Variants in NCOR2 observed in about 807,000 individuals in gnomAD.
NCOR2 encodes CTG repeat protein 26.
Under a neutral mutation model 262.9 loss-of-function variants are expected in NCOR2, and 81 were observed. That is an observed-to-expected ratio of 0.31 (90% CI 0.26 to 0.37). The LOEUF is 0.37. Among genes scored for constraint, NCOR2 ranks in the 10% least tolerant of loss-of-function variants. The pLI, the probability that NCOR2 is intolerant of heterozygous loss-of-function variation, is 1.00. For missense variants in NCOR2, 3,385 were observed against 3,621.4 expected (o/e 0.93, Z 1.68); for synonymous variants, 1,659 against 1,559.3 (o/e 1.06, Z -1.51).
rs188775671 is a variant in NCOR2, at chr12:124,482,525, G to A, written c.411+1071C>T. Among the ~76,000 whole-genome samples the A allele has an allele frequency of 1.4e-4, 21 of 152,288 alleles. No individual in the cohort carries two copies. In the East Asian group the frequency reaches 3.9e-3, roughly 28 times the overall value. On this transcript the variant is annotated intron_variant, in intron 3 of 46. Coordinates refer to ENST00000405201, the Ensembl canonical transcript of NCOR2. The surrounding 1 kb of genome is among the most constrained non-coding windows in gnomAD (Gnocchi z 6.3). ...GGTGCCAAATAGTTCCCACGCATGG[G>A]GCCCACAGCCGAGCCCTCTACCCAC...
chr12:124,335,582 C>T, exon 39 of NCOR2: 3 of 1,608,812 alleles, frequency 1.9e-6, no homozygotes, highest in Non-Finnish European at 2.5e-6. Context: ...GGTGAGCTCA[C>T]AGGGCTGACG....
intron 6 of NCOR2, among the ~76,000 whole-genome samples, chr12:124,452,925 C>G (rs908483073): frequency 2.0e-5 from 3 of 152,138 alleles, no homozygotes; most frequent in African/African-American, 7.2e-5. Context: ...AGGAACTGCC[C>G]CCCTGGGAGG....
intron 7 of NCOR2, among the ~76,000 whole-genome samples, chr12:124,441,405 A>G (rs965983031): frequency 1.8e-4 from 28 of 152,230 alleles, no homozygotes; most frequent in African/African-American, 6.5e-4. Flanking sequence ...CCACGAGTCC[A>G]TGTGATTACA....
At chr12:124,556,867 T>C (rs1594070419) in intron 1 of NCOR2, among the ~76,000 whole-genome samples, 1 of 139,902 alleles carries the variant, frequency 7.1e-6, no homozygotes, top group African/African-American at 2.7e-5. Context: ...AAAAAAAAAA[T>C]CCGAGAAAAA....
At position 124,483,916 on chromosome 12, in the gene NCOR2, C is replaced by A. The variant is rs996664146; in HGVS notation, c.234-143G>T. 2.9e-5 allele frequency: 28 copies of A among 957,874 alleles called. No homozygotes were observed. The highest frequency in any genetic ancestry group is 3.5e-5 in the Non-Finnish European group (24 of 683,606). 59.3% of individuals were successfully genotyped at this position (957,874 alleles called of 1,614,324 possible). On this transcript the variant is annotated intron_variant, in intron 2 of 46. Transcript: ENST00000405201. This position sits in a 1 kb window ranked among gnomAD's most constrained non-coding sequence, Gnocchi z 6.3. ...CAGGAAGGTGCTCACAGGAGCCCAC[C>A]TCCCACGGTCCCACAGCAGGGCAGG...
In NCOR2 at chr12:124,325,211, G is replaced by A. The variant is rs181231867; in HGVS notation, c.*191C>T. The A allele has an allele frequency of 4.5e-3, 1,588 of 352,956 alleles. 20 individuals are homozygous for A. Among genetic ancestry groups the A allele is most frequent in the African/African-American group, 0.03 (1,429 of 46,920 alleles). 21.9% of individuals were successfully genotyped at this position (352,956 alleles called of 1,614,324 possible). The stretch of plus-strand genomic sequence containing the variant: ...AGTAAGGTCTGCACAGGGCCAGCCC[G>A]GGGCGGGAGTCTTAGTTAAGGCTTT... On this transcript the variant is annotated 3_prime_UTR_variant, in exon 47 of 47. Transcript: ENST00000405201.
At chr12:124,491,861 G>A (rs1023179270) in intron 1 of NCOR2, among the ~76,000 whole-genome samples, 1 of 152,214 alleles carries the variant, frequency 6.6e-6, no homozygotes, top group African/African-American at 2.4e-5. Flanking sequence ...CTGTCACGGA[G>A]AGAAGCTGGG....
At position 124,378,189 on chromosome 12, in the gene NCOR2, G is replaced by A. The variant is rs375828076; in HGVS notation, c.2167+48C>T. On this transcript the variant is annotated intron_variant, in intron 18 of 46. Transcript: ENST00000405201. This position sits in a 1 kb window ranked among gnomAD's most constrained non-coding sequence, Gnocchi z 4.2. ...AGTTCCCGCTATGCCCTCCCTCAGAGCTCGGACCCACAGCTGCCAGCCACC... is the reference window on the plus strand; with the variant it reads ...AGTTCCCGCTATGCCCTCCCTCAGAACTCGGACCCACAGCTGCCAGCCACC... 2 of 1,597,494 alleles carry A rather than the reference G, an allele frequency of 1.3e-6. No homozygotes were observed.
At chr12:124,337,968 C>A (rs1466697459) in intron 37 of NCOR2, among the ~76,000 whole-genome samples, 10 of 152,242 alleles carry the variant, frequency 6.6e-5, no homozygotes, top group African/African-American at 2.4e-4. Context: ...AATCGGCTGT[C>A]ACGGGCATAT....
At chr12:124,519,550 G>A (rs372574002) in intron 1 of NCOR2, among the ~76,000 whole-genome samples, 270 of 152,304 alleles carry the variant, frequency 1.8e-3, no homozygotes, top group African/African-American at 6.2e-3. Context: ...TGGTGTGGCC[G>A]GGGCGCAGGG....
intron 10 of NCOR2, among the ~76,000 whole-genome samples, chr12:124,427,798 C>T (rs1006504967): frequency 1.8e-4 from 27 of 152,292 alleles, no homozygotes; most frequent in Middle Eastern, 3.4e-3. Flanking sequence ...TCTGCTCTGC[C>T]CTCCCACAGC....
chr12:124,359,029 C>T (rs1277242839), intron 22 of NCOR2, among the ~76,000 whole-genome samples: 1 of 152,230 alleles, frequency 6.6e-6, no homozygotes, highest in Non-Finnish European at 1.5e-5. Context: ...TGCCACATGG[C>T]CTGCGGCAGA....
intron 37 of NCOR2, among the ~76,000 whole-genome samples, chr12:124,339,219 A>ACCCCCCCCCCCCCCCCCCCCCCC: frequency 1.6e-5 from 1 of 63,314 alleles, no homozygotes; most frequent in Admixed American, 2.0e-4. Context: ...TCTACCTACC[A>ACCCCCCCCCCCCCCCCCCCCCCC]CCCACCCACC....
chr12:124,348,493 T>C (rs1275100965), intron 28 of NCOR2, 179 bp from the exon 31 acceptor site: 22 of 782,802 alleles, frequency 2.8e-5, no homozygotes, highest in Non-Finnish European at 3.7e-5. Context: ...CCTGGGGGCC[T>C]GCCAGCAGGA....
intron 1 of NCOR2, among the ~76,000 whole-genome samples, chr12:124,501,522 T>C (rs573930575): frequency 2.0e-4 from 31 of 152,208 alleles, no homozygotes; most frequent in Non-Finnish European, 7.4e-5. Flanking sequence ...ACTTCCTCAC[T>C]CCTCCAGCTC....
chr12:124,466,188 G>A (rs367656472), exon 5 of NCOR2: 27 of 1,608,482 alleles, frequency 1.7e-5, no homozygotes, highest in African/African-American at 2.7e-5. Flanking sequence ...TCTCGTCGTA[G>A]ATGATCTGCA....
chr12:124,436,013 G>A (rs2044315281), intron 8 of NCOR2, among the ~76,000 whole-genome samples: 1 of 152,224 alleles, frequency 6.6e-6, no homozygotes, highest in Non-Finnish European at 1.5e-5. Flanking sequence ...CACCGGAAGG[G>A]CAGGGTGTGC....
intron 5 of NCOR2, among the ~76,000 whole-genome samples, chr12:124,462,034 C>T (rs911705777): frequency 3.3e-5 from 5 of 152,142 alleles, no homozygotes; most frequent in Non-Finnish European, 4.4e-5. Flanking sequence ...TATCAATGCA[C>T]GAATCACCAC....
intron 3 of NCOR2, among the ~76,000 whole-genome samples, chr12:124,477,077 T>C (rs923361979): frequency 3.3e-5 from 5 of 151,932 alleles, no homozygotes; most frequent in African/African-American, 9.7e-5. Flanking sequence ...TGATTCGTGG[T>C]TGCCAGGAAA....
Sources: gnomAD v4.1 joint callset for allele counts (sites outside exome capture counted in the v4.1 genomes callset) on GRCh38, gnomAD v4.1.1 for gene constraint, Gnocchi (gnomAD v3.1) non-coding constraint, MANE v1.5 for transcripts, NCBI Gene and HGNC (gene_info 2026-07-23, HGNC 2026-07-21) for gene names.